The following TBX5 variants were observed in gnomAD, a reference collection of about 807,000 sequenced individuals.
The protein encoded by TBX5 is T-box transcription factor TBX5.
A neutral mutation model predicts 51.1 loss-of-function variants in TBX5; 8 were observed. That is an observed-to-expected ratio of 0.16 (90% CI 0.09 to 0.28). The LOEUF (loss-of-function observed/expected upper bound fraction) is 0.28. Ranked by LOEUF, TBX5 falls within the 10% of genes least tolerant of loss-of-function variation. The pLI is 1.00. For synonymous variants in TBX5, 302 were observed against 266.4 expected (o/e 1.13, Z -1.30); for missense variants, 589 against 671.7 (o/e 0.88, Z 1.36).
intron 8 of TBX5, among the ~76,000 whole-genome samples, chr12:114,359,504 C>T (rs1477412218): frequency 3.9e-5 from 6 of 152,248 alleles, no homozygotes; most frequent in African/African-American, 7.2e-5. Flanking sequence ...GTCCACAACT[C>T]GGCTTCAGAA....
intron 7 of TBX5, among the ~76,000 whole-genome samples, chr12:114,373,918 G>A (rs910270226): frequency 6.6e-6 from 1 of 152,216 alleles, no homozygotes; most frequent in Non-Finnish European, 1.5e-5. Context: ...TGGAACAGGG[G>A]TAGGGTGGTG....
chr12:114,394,914 G>T lies in TBX5; in HGVS notation c.511-21C>A, dbSNP rs575768101. ...ATAATCTAAAAATAATAAAGAAAAT[G>T]AGATTGTAAGAAAATCAAAACTCCC... On this transcript the variant is annotated intron_variant, in intron 5 of 8. Coordinates refer to ENST00000405440, the MANE Select transcript of TBX5 (RefSeq NM_181486.4). 1.0e-4 allele frequency: 165 copies of T among 1,611,004 alleles called. 1 individual carries two copies. The South Asian group carries it at 1.7e-3, about 17-fold the overall frequency.
At chr12:114,385,630 G>T in intron 6 of TBX5, 63 bp from the exon 7 acceptor site, 1 of 1,312,144 alleles carries the variant, frequency 7.6e-7, no homozygotes, top group Non-Finnish European at 1.1e-6. Context: ...ACCACCTCAG[G>T]ACATGAGCTA....
Position 114,394,683 on chromosome 12 carries a change from T to C in TBX5, c.663+58A>G, listed in dbSNP as rs1871324877. On this transcript the variant is annotated intron_variant, in intron 6 of 8. Coordinates refer to ENST00000405440, the MANE Select transcript of TBX5 (RefSeq NM_181486.4). ...AGTTCCAGCAGGAAAACCTTGCAGA[T>C]TCATGCAAAAGAAAGAGCAGACGGC... 6.8e-6 allele frequency: 11 copies of C among 1,611,258 alleles called. No homozygotes were observed. In the South Asian group the frequency reaches 9.9e-5, roughly 15 times the overall value.
chr12:114,405,615 C>A lies in TBX5; in HGVS notation c.-39+13G>T. The A allele has an allele frequency of 1.2e-6, 1 of 850,464 alleles. No individual in the cohort carries two copies. Among genetic ancestry groups the A allele is most frequent in the Non-Finnish European group, 1.4e-6 (1 of 706,714 alleles). The allele number at this position is 850,464 out of a possible 1,614,324, so 52.7% of individuals were successfully genotyped here. On this transcript the variant is annotated intron_variant, in intron 1 of 8. Coordinates refer to ENST00000405440, the MANE Select transcript of TBX5 (RefSeq NM_181486.4). The stretch of plus-strand genomic sequence containing the variant: ...CCTCCTGAGCCTCCCGGGCCATCTG[C>A]CGGGACGGTTACCTCGTTCGGTGAA...
At position 114,376,815 on chromosome 12, in the gene TBX5, C is replaced by T. The variant is rs569218231; in HGVS notation, c.755+8661G>A. 2.1e-3 allele frequency among the ~76,000 whole-genome samples: 313 copies of T among 150,600 alleles called. 1 individual carries two copies. Among genetic ancestry groups the T allele is most frequent in the Middle Eastern group, 6.9e-3 (2 of 290 alleles). On this transcript the variant is annotated intron_variant, in intron 7 of 8. Coordinates refer to ENST00000405440, the MANE Select transcript of TBX5 (RefSeq NM_181486.4). ...TATATACACTTTTTGTCAATTATAC[C>T]TCATTAAAGATGAGGAAAAACACAG...
intron 2 of TBX5, among the ~76,000 whole-genome samples, chr12:114,402,523 A>G (rs1368324079): frequency 1.3e-5 from 2 of 152,222 alleles, no homozygotes; most frequent in East Asian, 3.8e-4. Flanking sequence ...TGTTTGTATT[A>G]TCATATATTC....
chr12:114,379,514 G>T (rs578238466), intron 7 of TBX5, among the ~76,000 whole-genome samples: 1 of 152,274 alleles, frequency 6.6e-6, no homozygotes, highest in South Asian at 2.1e-4. Flanking sequence ...TGGAAGCCAG[G>T]TTGTCCCAGC....
rs181898781 is a variant in TBX5, at chr12:114,390,876, C to T, written c.663+3865G>A. Among the ~76,000 whole-genome samples, 468 of 152,254 alleles carry T rather than the reference C, an allele frequency of 3.1e-3. 4 individuals are homozygous for T. The highest frequency in any genetic ancestry group is 0.01 in the Middle Eastern group (3 of 294). ...ACAAAAACGTGTTTCACAGAATGAA[C>T]GTCGCTGGGGAAGATTTGAGTTTTT... On this transcript the variant is annotated intron_variant, in intron 6 of 8. Transcript: ENST00000405440.
intron 1 of TBX5, among the ~76,000 whole-genome samples, chr12:114,405,276 C>A (rs1455908546): frequency 6.6e-6 from 1 of 152,060 alleles, no homozygotes; most frequent in Non-Finnish European, 1.5e-5. Flanking sequence ...CTACTCACAA[C>A]AAAAGAAAGC....
In TBX5 at chr12:114,354,587, A is replaced by T. The variant is rs956254515; in HGVS notation, c.*945T>A. On this transcript the variant is annotated 3_prime_UTR_variant, in exon 9 of 9. Transcript: ENST00000405440. ...GCTGGCCTTGTTTTTTTCAAAAAAA[A>T]TTTTTTTAATCAGGAAGAATATTTA... The T allele has an allele frequency of 2.0e-5, 3 of 152,372 alleles. No individual in the cohort carries two copies. Among genetic ancestry groups the T allele is most frequent in the African/African-American group, 4.8e-5 (2 of 41,362 alleles). 9.4% of individuals were successfully genotyped at this position (152,372 alleles called of 1,614,324 possible).
chr12:114,375,508 T>C (rs7960396), intron 7 of TBX5, among the ~76,000 whole-genome samples: 35,168 of 151,998 alleles, frequency 0.23, 4,301 homozygotes, highest in Non-Finnish European at 0.27. Context: ...AAAGAAGACA[T>C]ACAAATAGAT....
rs1345397530 is a variant in TBX5 at position 114,366,238 on chromosome 12, G to T, written c.909C>A (p.Asp303Glu). The T allele has an allele frequency of 3.7e-6, 6 of 1,614,072 alleles. No individual in the cohort carries two copies. The highest frequency in any genetic ancestry group is 5.1e-6 in the Non-Finnish European group (6 of 1,180,002). ...GGTATGGGTTGGGTGGAGGCAGGAG[G>T]TCCTGGGAGGGGCCGGAAACACCAT... ...CENGVSGPSQ[D>E]LLPPPNPYPL... The change falls in exon 8 of 9, where the codon GAC (aspartate) becomes GAA (glutamate). Residue 303 changes from aspartate (D) to glutamate (E), a missense_variant. Physicochemically the swap from Asp to Glu is conservative, Grantham distance 45. This residue lies in a region of TBX5 where 348 missense variants were observed against 360.4 expected (regional missense o/e 0.97). Coordinates refer to ENST00000405440, the MANE Select transcript of TBX5 (RefSeq NM_181486.4).
intron 1 of TBX5, among the ~76,000 whole-genome samples, chr12:114,404,690 G>A (rs1014697158): frequency 6.6e-6 from 1 of 152,114 alleles, no homozygotes; most frequent in African/African-American, 2.4e-5. Context: ...CCGTTCCGAG[G>A]AAGGCTCGTC....
At position 114,384,192 on chromosome 12, in the gene TBX5, C is replaced by CA. The variant is rs1216047641; in HGVS notation, c.755+1283dup. Reference sequence around the variant, plus strand: ...GTGAGTCCACAATCTTGAAGGAAACCAATTTATGAAAACAGGAATGTGTGC... The same window carrying CA: ...GTGAGTCCACAATCTTGAAGGAAACCAAATTTATGAAAACAGGAATGTGTGC... On this transcript the variant is annotated intron_variant, in intron 7 of 8. Coordinates refer to ENST00000405440, the MANE Select transcript of TBX5 (RefSeq NM_181486.4). Among the ~76,000 whole-genome samples, 5 of 151,964 alleles carry CA rather than the reference C, an allele frequency of 3.3e-5. No homozygotes were observed. The East Asian group carries it at 9.6e-4, about 29-fold the overall frequency.
chr12:114,359,247 C>T (rs1201239172), intron 8 of TBX5, among the ~76,000 whole-genome samples: 1 of 152,168 alleles, frequency 6.6e-6, no homozygotes, highest in South Asian at 2.1e-4. Context: ...TCTCAAATTC[C>T]TCTCAGGCCT....
chr12:114,379,544 G>C (rs572599157), intron 7 of TBX5, among the ~76,000 whole-genome samples: 1 of 152,302 alleles, frequency 6.6e-6, no homozygotes, highest in Admixed American at 6.5e-5. Context: ...TTAAGCTTGG[G>C]AGTCATTTGT....
At chr12:114,394,596 C>A in intron 6 of TBX5, 145 bp downstream of exon 6, 3 of 1,088,976 alleles carry the variant, frequency 2.8e-6, no homozygotes, top group Non-Finnish European at 4.1e-6. Context: ...TAGGCTGCAG[C>A]TTTGTCCCCA....
upstream of TBX5, chr12:114,407,036 T>A (rs989964195): frequency 5.1e-6 from 5 of 985,270 alleles, no homozygotes; most frequent in Non-Finnish European, 6.0e-6. Context: ...AGGGTTCTGA[T>A]AAGAGACTTG....
Sources: allele counts gnomAD v4.1 joint callset (sites outside exome capture counted in the v4.1 genomes callset), GRCh38; gene constraint gnomAD v4.1.1; regional missense constraint gnomAD v4.1.1; transcripts MANE v1.5; gene names NCBI Gene and HGNC (gene_info 2026-07-23, HGNC 2026-07-21).